CDH12: variants seen among roughly 807,000 people sequenced by gnomAD.
The protein encoded by CDH12 is cadherin 12, also known as cadherin-12.
In CDH12, 41 loss-of-function variants were observed where a neutral mutation model predicts 74.1. The observed-to-expected ratio is 0.55, with a 90% CI of 0.43 to 0.72. The LOEUF (loss-of-function observed/expected upper bound fraction) is 0.72. Ranked by LOEUF, CDH12 falls within the 30% of genes least tolerant of loss-of-function variation. The pLI, the probability that CDH12 is intolerant of heterozygous loss-of-function variation, is 0.00. For synonymous variants in CDH12, 399 were observed against 355.0 expected (o/e 1.12, Z -1.39); for missense variants, 945 against 977.2 (o/e 0.97, Z 0.44).
intron 1 of CDH12, among the ~76,000 whole-genome samples, chr5:22,702,522 T>C (rs1303911584): frequency 6.6e-6 from 1 of 152,020 alleles, no homozygotes; most frequent in Non-Finnish European, 1.5e-5. Context: ...TCTCTTGGAA[T>C]CTCTTCCTCT....
At chr5:22,844,372 T>C (rs1737210335) in intron 1 of CDH12, among the ~76,000 whole-genome samples, 1 of 152,072 alleles carries the variant, frequency 6.6e-6, no homozygotes, top group African/African-American at 2.4e-5. Flanking sequence ...AGCTTCATGA[T>C]CCATCATTAA....
At chr5:22,015,680 G>A (rs1248140434) in intron 5 of CDH12, among the ~76,000 whole-genome samples, 1 of 152,022 alleles carries the variant, frequency 6.6e-6, no homozygotes, top group Non-Finnish European at 1.5e-5. Context: ...AATGTCCATG[G>A]CTTTATAGAG....
At chr5:22,686,869 C>A (rs948074524) in intron 1 of CDH12, among the ~76,000 whole-genome samples, 2 of 152,168 alleles carry the variant, frequency 1.3e-5, no homozygotes, top group African/African-American at 4.8e-5. Flanking sequence ...CACTATAACG[C>A]TTGCTGTCAT....
chr5:22,414,159 A>T (rs1743285096), intron 2 of CDH12, among the ~76,000 whole-genome samples: 1 of 152,046 alleles, frequency 6.6e-6, no homozygotes, highest in Non-Finnish European at 1.5e-5. Flanking sequence ...ACCTAGAATT[A>T]AAACTCAATG....
intron 3 of CDH12, among the ~76,000 whole-genome samples, chr5:22,315,140 T>TTTTTTTTTTTTTTTTC (rs1738574491): frequency 7.5e-6 from 1 of 133,348 alleles, no homozygotes; most frequent in Non-Finnish European, 1.6e-5. Flanking sequence ...TTTTTTTTTT[T>TTTTTTTTTTTTTTTTC]TTTAGTAGAG....
intron 2 of CDH12, among the ~76,000 whole-genome samples, chr5:22,419,556 G>A (rs1296054680): frequency 1.3e-5 from 2 of 152,080 alleles, no homozygotes; most frequent in Non-Finnish European, 2.9e-5. Flanking sequence ...ATCATTGATG[G>A]GCTTTTGGAT....
chr5:22,685,485 C>T (rs1374202430), intron 1 of CDH12, among the ~76,000 whole-genome samples: 1 of 152,220 alleles, frequency 6.6e-6, no homozygotes, highest in Non-Finnish European at 1.5e-5. Context: ...ATCCACCTGC[C>T]TTGGCCTCCC....
intron 1 of CDH12, among the ~76,000 whole-genome samples, chr5:22,660,414 A>T (rs1275652995): frequency 6.6e-6 from 1 of 152,180 alleles, no homozygotes; most frequent in Non-Finnish European, 1.5e-5. Context: ...TACCTGACTG[A>T]CAATAATTAC....
At chr5:22,358,807 TG>T (rs1740674608) in intron 3 of CDH12, among the ~76,000 whole-genome samples, 1 of 152,218 alleles carries the variant, frequency 6.6e-6, no homozygotes, top group Admixed American at 6.6e-5. Context: ...AACACACTGA[TG>T]GTAGTTCACA....
At chr5:22,174,560 C>A (rs934585073) in intron 4 of CDH12, among the ~76,000 whole-genome samples, 2 of 151,808 alleles carry the variant, frequency 1.3e-5, no homozygotes, top group African/African-American at 4.8e-5. Flanking sequence ...GAAAATATGT[C>A]CTGACATAGC....
At chr5:22,419,372 T>C (rs1468863365) in intron 2 of CDH12, among the ~76,000 whole-genome samples, 1 of 152,128 alleles carries the variant, frequency 6.6e-6, no homozygotes, top group Admixed American at 6.5e-5. Flanking sequence ...TTCTCATTGT[T>C]AAGCTCCCAC....
At chr5:22,764,891 T>A (rs1430994416) in intron 1 of CDH12, among the ~76,000 whole-genome samples, 2 of 151,904 alleles carry the variant, frequency 1.3e-5, no homozygotes, top group African/African-American at 2.4e-5. Context: ...CAGATTAAGA[T>A]ACATTAAAGA....
chr5:22,010,071 T>C (rs1057094196), intron 5 of CDH12, among the ~76,000 whole-genome samples: 24 of 151,964 alleles, frequency 1.6e-4, no homozygotes, highest in African/African-American at 5.8e-4. Context: ...ATAAAACAAT[T>C]GTGTGGGCTC....
chr5:21,787,974 C>T (rs1216075140), intron 10 of CDH12, among the ~76,000 whole-genome samples: 2 of 152,138 alleles, frequency 1.3e-5, no homozygotes, highest in Admixed American at 6.6e-5. Flanking sequence ...TCCTTATTAA[C>T]TGTAGTATTT....
chr5:22,257,660 T>C (rs1341583721), intron 3 of CDH12, among the ~76,000 whole-genome samples: 1 of 151,930 alleles, frequency 6.6e-6, no homozygotes, highest in East Asian at 1.9e-4. Flanking sequence ...TCACCATGCC[T>C]GGCTAATTTT....
At chr5:22,486,458 T>C (rs1373734769) in intron 2 of CDH12, among the ~76,000 whole-genome samples, 1 of 151,040 alleles carries the variant, frequency 6.6e-6, no homozygotes, top group Non-Finnish European at 1.5e-5. Flanking sequence ...TTTTTTTTTT[T>C]TTTTTTTTTT....
chr5:21,954,122 T>C (rs1755990161), intron 6 of CDH12, among the ~76,000 whole-genome samples: 1 of 152,142 alleles, frequency 6.6e-6, no homozygotes, highest in South Asian at 2.1e-4. Context: ...CACATAAATA[T>C]TATTTTCATT....
At chr5:22,723,506 A>G (rs773562653) in intron 1 of CDH12, among the ~76,000 whole-genome samples, 7 of 152,066 alleles carry the variant, frequency 4.6e-5, no homozygotes, top group Non-Finnish European at 8.8e-5. Flanking sequence ...AGTTTAGTCA[A>G]GAGCTAAGAG....
intron 1 of CDH12, among the ~76,000 whole-genome samples, chr5:22,534,872 T>C (rs1737760452): frequency 6.6e-6 from 1 of 151,040 alleles, no homozygotes; most frequent in African/African-American, 2.4e-5. Context: ...CATAGTAAAC[T>C]CTTTTTTGTT....
Sources: allele counts gnomAD v4.1 joint callset (sites outside exome capture counted in the v4.1 genomes callset), GRCh38; gene constraint gnomAD v4.1.1; transcripts MANE v1.5; gene names NCBI Gene and HGNC (gene_info 2026-07-23, HGNC 2026-07-21).